Variants in KCTD16 observed in about 807,000 individuals in gnomAD.
KCTD16 encodes potassium channel tetramerization domain containing 16.
KCTD16 carries 13 observed loss-of-function variants against 33.2 expected under a neutral mutation model. The observed-to-expected ratio is 0.39, with a 90% confidence interval of 0.25 to 0.62. The LOEUF (loss-of-function observed/expected upper bound fraction) is 0.62, where lower values mean the gene tolerates loss of function less well. Among genes scored for constraint, KCTD16 ranks in the 20% least tolerant of loss-of-function variants. The pLI is 0.50. For synonymous variants in KCTD16, 197 were observed against 195.3 expected, an observed-to-expected ratio of 1.01 and a Z score of -0.07; for missense variants, 441 against 525.1, an observed-to-expected ratio of 0.84 and a Z score of 1.57.
Position 144,171,011 on chromosome 5 carries a change from T to C in KCTD16, c.-493+2T>C, listed in dbSNP as rs993322275. 6.6e-5 allele frequency: 10 copies of C among 152,198 alleles called. No individual in the cohort carries two copies. Among genetic ancestry groups the C allele is most frequent in the Admixed American group, 1.3e-4 (2 of 15,284 alleles). The allele number at this position is 152,198 out of a possible 1,614,324, so 9.4% of individuals were successfully genotyped here. The stretch of plus-strand genomic sequence containing the variant: ...TTCAAGCACTGTGCTAAAGTGTTTG[T>C]ATGTATTATTTAATCTTTACAACCT... On this transcript the variant is annotated splice_donor_variant, in intron 1 of 3. Coordinates refer to ENST00000512467, the MANE Select transcript of KCTD16 (RefSeq NM_020768.4). LOFTEE classifies it low-confidence loss of function (5UTR_SPLICE).
chr5:144,378,697 A>C (rs1752146276), intron 3 of KCTD16, among the ~76,000 whole-genome samples: 1 of 152,204 alleles, frequency 6.6e-6, no homozygotes, highest in Admixed American at 6.6e-5. Flanking sequence ...ATGTGTCATC[A>C]ATGGCAGGTT....
At chr5:144,264,716 G>A (rs1755098280) in intron 3 of KCTD16, among the ~76,000 whole-genome samples, 1 of 152,160 alleles carries the variant, frequency 6.6e-6, no homozygotes, top group East Asian at 1.9e-4. Context: ...AAGAAGCAGT[G>A]AGCTGTGATG....
chr5:144,306,782 CTT>C (rs1751613551), intron 3 of KCTD16, among the ~76,000 whole-genome samples: 1 of 152,144 alleles, frequency 6.6e-6, no homozygotes, highest in South Asian at 2.1e-4. Flanking sequence ...GCTAACAAAC[CTT>C]TCTAAATTCC....
At chr5:144,367,849 C>G (rs570209770) in intron 3 of KCTD16, among the ~76,000 whole-genome samples, 1 of 149,424 alleles carries the variant, frequency 6.7e-6, no homozygotes, top group East Asian at 2.0e-4. Flanking sequence ...TTGTTTCCAA[C>G]TTTTTGTCCA....
At chr5:144,348,975 G>A (rs922764002) in intron 3 of KCTD16, among the ~76,000 whole-genome samples, 24 of 152,206 alleles carry the variant, frequency 1.6e-4, no homozygotes, top group African/African-American at 5.3e-4. Context: ...GGCAAAAACG[G>A]GCCTGTGTAG....
At chr5:144,338,263 G>A (rs1384057616) in intron 3 of KCTD16, among the ~76,000 whole-genome samples, 1 of 152,148 alleles carries the variant, frequency 6.6e-6, no homozygotes, top group African/African-American at 2.4e-5. Flanking sequence ...CATTGATTTG[G>A]GGGATAAAAT....
At chr5:144,236,806 T>C (rs1229850296) in intron 3 of KCTD16, among the ~76,000 whole-genome samples, 1 of 152,068 alleles carries the variant, frequency 6.6e-6, no homozygotes, top group African/African-American at 2.4e-5. Flanking sequence ...ACTCACTGGA[T>C]GGTGGTTTGG....
intron 3 of KCTD16, among the ~76,000 whole-genome samples, chr5:144,465,588 G>A (rs1754311387): frequency 6.6e-6 from 1 of 151,682 alleles, no homozygotes; most frequent in African/African-American, 2.4e-5. Context: ...CCAGCACTGA[G>A]CTTCTGCATG....
chr5:144,206,758 A>G lies in KCTD16; in HGVS notation c.44A>G (p.Gln15Arg). Reference protein sequence around the residue: ...GNCSRYYPREQGSAVPNSFPE... With the variant: ...GNCSRYYPRERGSAVPNSFPE... ...TGTAGTCGTTATTATCCTCGAGAAC[A>G]AGGGTCCGCAGTTCCCAACTCCTTC... Residue 15 changes from glutamine to arginine, a missense_variant, in exon 3 of 4, where the codon CAA becomes CGA. Physicochemically the swap from Gln to Arg is conservative, Grantham distance 43. Transcript: ENST00000512467. 6.2e-7 allele frequency: 1 copy of G among 1,614,110 alleles called. No individual in the cohort carries two copies. The highest frequency in any genetic ancestry group is 1.1e-5 in the South Asian group (1 of 91,058).
At chr5:144,196,221 C>G (rs186055728) in intron 2 of KCTD16, among the ~76,000 whole-genome samples, 1 of 152,148 alleles carries the variant, frequency 6.6e-6, no homozygotes, top group Non-Finnish European at 1.5e-5. Context: ...TATGTCGGCT[C>G]TGATTGGCCA....
chr5:144,418,182 C>T (rs954046911), intron 3 of KCTD16, among the ~76,000 whole-genome samples: 2 of 152,096 alleles, frequency 1.3e-5, no homozygotes, highest in Non-Finnish European at 2.9e-5. Context: ...TGTTACAGCT[C>T]ATAAAGGTAG....
intron 3 of KCTD16, among the ~76,000 whole-genome samples, chr5:144,302,422 T>C (rs2126871406): frequency 6.6e-6 from 1 of 152,358 alleles, no homozygotes. Context: ...AGGAGGATTT[T>C]ATGGCAGGTG....
chr5:144,448,924 T>C (rs968658591), intron 3 of KCTD16, among the ~76,000 whole-genome samples: 1 of 152,012 alleles, frequency 6.6e-6, no homozygotes, highest in African/African-American at 2.4e-5. Context: ...CTTGAAATTA[T>C]TAAAAATGAC....
chr5:144,449,026 G>A (rs2126983200), intron 3 of KCTD16, among the ~76,000 whole-genome samples: 1 of 152,096 alleles, frequency 6.6e-6, no homozygotes, highest in Non-Finnish European at 1.5e-5. Flanking sequence ...ACCTTTTTGT[G>A]ATGGAATTAT....
At chr5:144,224,753 G>GTA (rs933777250) in intron 3 of KCTD16, among the ~76,000 whole-genome samples, 1 of 152,076 alleles carries the variant, frequency 6.6e-6, no homozygotes, top group Non-Finnish European at 1.5e-5. Flanking sequence ...GTATGCTATG[G>GTA]TATATATTTA....
intron 3 of KCTD16, among the ~76,000 whole-genome samples, chr5:144,236,624 G>T (rs1321481366): frequency 1.3e-5 from 2 of 152,136 alleles, no homozygotes; most frequent in Non-Finnish European, 2.9e-5. Context: ...TTGCTGTTAG[G>T]ATAGTAAGGT....
chr5:144,180,329 C>A (rs991923472), intron 2 of KCTD16, among the ~76,000 whole-genome samples: 1 of 152,064 alleles, frequency 6.6e-6, no homozygotes, highest in Non-Finnish European at 1.5e-5. Context: ...GGATCCATGC[C>A]AACAGGACTC....
intron 3 of KCTD16, among the ~76,000 whole-genome samples, chr5:144,353,342 A>G (rs1359804866): frequency 6.6e-6 from 1 of 152,310 alleles, no homozygotes; most frequent in Non-Finnish European, 1.5e-5. Flanking sequence ...TCTCTGATCA[A>G]GGGAGTGGAG....
intron 3 of KCTD16, among the ~76,000 whole-genome samples, chr5:144,256,049 A>G (rs545251801): frequency 6.6e-6 from 1 of 152,324 alleles, no homozygotes; most frequent in South Asian, 2.1e-4. Flanking sequence ...GTTCTCAAAA[A>G]TTGTACCAGG....
Sources: allele counts gnomAD v4.1 joint callset (sites outside exome capture counted in the v4.1 genomes callset), GRCh38; gene constraint gnomAD v4.1.1; transcripts MANE v1.5; gene names NCBI Gene and HGNC (gene_info 2026-07-23, HGNC 2026-07-21).